PLCB4: variants seen among roughly 807,000 people sequenced by gnomAD.
The protein encoded by PLCB4 is phospholipase C beta 4.
In PLCB4, 77 loss-of-function variants were observed where a neutral mutation model predicts 178.8. The observed-to-expected ratio is 0.43, with a 90% CI of 0.36 to 0.52. The LOEUF (loss-of-function observed/expected upper bound fraction) is 0.52. Ranked by LOEUF, PLCB4 falls within the 20% of genes least tolerant of loss-of-function variation. PLCB4 has a pLI of 0.00. For missense variants in PLCB4, 1,024 were observed against 1,453.4 expected, an observed-to-expected ratio of 0.70 and a Z score of 4.80; for synonymous variants, 496 against 490.8, an observed-to-expected ratio of 1.01 and a Z score of -0.14.
chr20:9,440,983 C>G (rs2042069244), intron 30 of PLCB4, among the ~76,000 whole-genome samples: 9 of 152,102 alleles, frequency 5.9e-5, no homozygotes, highest in Admixed American at 5.2e-4. Context: ...GTGTTAACAT[C>G]CCGTTTACAA....
intron 22 of PLCB4, 125 bp from the exon 23 acceptor site, chr20:9,408,508 A>G: frequency 2.1e-6 from 1 of 480,580 alleles, no homozygotes; most frequent in South Asian, 2.9e-5. Flanking sequence ...AGCTACTGAC[A>G]TGATAATGTA....
At chr20:9,262,567 A>G (rs2094309089) in intron 3 of PLCB4, among the ~76,000 whole-genome samples, 1 of 152,036 alleles carries the variant, frequency 6.6e-6, no homozygotes, top group Non-Finnish European at 1.5e-5. Flanking sequence ...ATAATAGAGG[A>G]GTTTGAAGAG....
At chr20:9,297,446 A>G (rs79126233) in intron 3 of PLCB4, among the ~76,000 whole-genome samples, 3,603 of 152,094 alleles carry the variant, frequency 0.024, 146 homozygotes, top group African/African-American at 0.08. Context: ...GGGTGCACAA[A>G]ATCTCAGTAA....
chr20:9,401,558 C>T lies in PLCB4; in HGVS notation c.1579C>T (p.His527Tyr). ...TGAACTTTCTGCTGATGACTTGGGT[C>T]ACAAGGAAGCTGTTGCAAATAGCGT... ...GNELSADDLGHKEAVANSVKK... is the reference protein window; with the variant it reads ...GNELSADDLGYKEAVANSVKK... Residue 527 changes from histidine (H) to tyrosine (Y), a missense_variant, in exon 20 of 40, where the codon CAC becomes TAC. Physicochemically the swap from His to Tyr is moderately conservative, Grantham distance 83. Around this residue, in one of 7 missense-constraint regions of PLCB4, gnomAD observed 263 missense variants for 417.4 expected, o/e 0.63. Transcript: ENST00000378473. 6.2e-7 allele frequency: 1 copy of T among 1,613,516 alleles called. No homozygotes were observed. The highest frequency in any genetic ancestry group is 8.5e-7 in the Non-Finnish European group (1 of 1,179,560).
chr20:9,073,842 C>T (rs946577454), intron 1 of PLCB4, among the ~76,000 whole-genome samples: 1 of 151,888 alleles, frequency 6.6e-6, no homozygotes. Flanking sequence ...AAGCTGAGAT[C>T]GCATCAGTGC....
At chr20:9,471,200 A>G (rs2044168227) in intron 36 of PLCB4, among the ~76,000 whole-genome samples, 1 of 152,216 alleles carries the variant, frequency 6.6e-6, no homozygotes, top group African/African-American at 2.4e-5. Flanking sequence ...ATTTTTTAAA[A>G]GATGTGAAAA....
intron 2 of PLCB4, among the ~76,000 whole-genome samples, chr20:9,210,075 G>A (rs1053046085): frequency 1.3e-5 from 2 of 151,812 alleles, no homozygotes; most frequent in East Asian, 1.9e-4. Flanking sequence ...AAGTCACTAC[G>A]TTTGTGGCAA....
intron 2 of PLCB4, among the ~76,000 whole-genome samples, chr20:9,179,935 T>C (rs1473544032): frequency 1.3e-5 from 2 of 152,190 alleles, no homozygotes; most frequent in Admixed American, 1.3e-4. Flanking sequence ...ATTCCTTCTC[T>C]GGTGAGAATG....
At chr20:9,300,631 G>A (rs775869593) in intron 3 of PLCB4, among the ~76,000 whole-genome samples, 4 of 152,112 alleles carry the variant, frequency 2.6e-5, no homozygotes, top group Non-Finnish European at 4.4e-5. Flanking sequence ...CCTCAAAGGG[G>A]CTTTGGAACA....
chr20:9,080,866 C>T (rs1307120992), intron 1 of PLCB4, among the ~76,000 whole-genome samples: 1 of 152,208 alleles, frequency 6.6e-6, no homozygotes, highest in African/African-American at 2.4e-5. Flanking sequence ...CTCAACTTCA[C>T]TCCAAACTTG....
chr20:9,154,905 CTCCTTCCTTCCTTCCTTCCT>C lies in PLCB4; in HGVS notation c.-79+58606_-79+58625del, dbSNP rs771256316. ...TTTCCTTCCCTCCTTCCCTCCTTCC[CTCCTTCCTTCCTTCCTTCCT>C]TCCTTCCTTCCTTCCTTCCTTCCTT... On this transcript the variant is annotated intron_variant, in intron 2 of 39. Coordinates refer to ENST00000378473, the MANE Select transcript of PLCB4 (RefSeq NM_001377142.1). Among the ~76,000 whole-genome samples the C allele has an allele frequency of 9.3e-4, 58 of 62,420 alleles. 1 individual carries two copies. Among genetic ancestry groups the C allele is most frequent in the African/African-American group, 2.5e-3 (42 of 16,738 alleles). 40.9% of individuals were successfully genotyped at this position (62,420 alleles called of 152,430 possible). A position where few individuals can be genotyped will look rare whatever the true frequency, so the allele number is the denominator to read the frequency against.
chr20:9,446,658 C>G (rs2042430769), intron 32 of PLCB4, among the ~76,000 whole-genome samples: 1 of 152,188 alleles, frequency 6.6e-6, no homozygotes, highest in Non-Finnish European at 1.5e-5. Flanking sequence ...GCAAGCAGAT[C>G]TCACCTGAAG....
At chr20:9,275,002 C>T (rs1012142626) in intron 3 of PLCB4, among the ~76,000 whole-genome samples, 1 of 151,954 alleles carries the variant, frequency 6.6e-6, no homozygotes. Context: ...GTAATAGAGA[C>T]TCTTTAGAAT....
chr20:9,299,551 G>A (rs2094680338), intron 3 of PLCB4, among the ~76,000 whole-genome samples: 1 of 151,666 alleles, frequency 6.6e-6, no homozygotes, highest in African/African-American at 2.4e-5. Context: ...TTTCTTAACT[G>A]TATGTTAAGA....
chr20:9,109,563 C>A (rs185993251), intron 2 of PLCB4, among the ~76,000 whole-genome samples: 26 of 151,820 alleles, frequency 1.7e-4, no homozygotes, highest in Non-Finnish European at 2.8e-4. Context: ...AACTTACCTA[C>A]AATACACATA....
chr20:9,313,338 G>A (rs2094858477), intron 4 of PLCB4, among the ~76,000 whole-genome samples: 1 of 152,082 alleles, frequency 6.6e-6, no homozygotes, highest in South Asian at 2.1e-4. Context: ...TTAAAGTAAG[G>A]GTGCCAGACA....
intron 2 of PLCB4, among the ~76,000 whole-genome samples, chr20:9,102,189 A>G (rs1003167015): frequency 1.3e-5 from 2 of 152,192 alleles, no homozygotes; most frequent in African/African-American, 4.8e-5. Context: ...TTGGATCACT[A>G]CAAAGATTGC....
intron 3 of PLCB4, among the ~76,000 whole-genome samples, chr20:9,284,794 C>A (rs1038073954): frequency 3.3e-5 from 5 of 151,838 alleles, no homozygotes; most frequent in Non-Finnish European, 2.9e-5. Flanking sequence ...CAGATATAAT[C>A]GTTTAAAAAA....
chr20:9,468,978 T>G lies in PLCB4; in HGVS notation c.3350+306T>G, dbSNP rs543522786. On this transcript the variant is annotated intron_variant, in intron 36 of 39. Coordinates refer to ENST00000378473, the MANE Select transcript of PLCB4 (RefSeq NM_001377142.1). ...ATAATTCTTTTTTTTATTTTATTCA[T>G]TTTTTTTTTTGCTTGTTTGTTTTGA... Among the ~76,000 whole-genome samples the G allele has an allele frequency of 4.4e-5, 5 of 112,414 alleles. No individual in the cohort carries two copies. In the South Asian group the frequency reaches 1.5e-3, roughly 34 times the overall value. 73.7% of individuals were successfully genotyped at this position (112,414 alleles called of 152,430 possible). A position where few individuals can be genotyped will look rare whatever the true frequency, so the allele number is the denominator to read the frequency against.
Sources: allele counts gnomAD v4.1 joint callset (sites outside exome capture counted in the v4.1 genomes callset), GRCh38; gene constraint gnomAD v4.1.1; regional missense constraint gnomAD v4.1.1; transcripts MANE v1.5; gene names NCBI Gene and HGNC (gene_info 2026-07-23, HGNC 2026-07-21).